ADGRB2: variants seen among roughly 807,000 people sequenced by gnomAD.
ADGRB2 encodes the protein adhesion G protein-coupled receptor B2, also known as brain-specific angiogenesis inhibitor 2.
In ADGRB2, 47 loss-of-function variants were observed where a neutral mutation model predicts 178.7. The ratio of observed to expected loss-of-function variants is 0.26; its 90% CI spans 0.21 to 0.34. The LOEUF (loss-of-function observed/expected upper bound fraction) is 0.34, where lower values mean the gene tolerates loss of function less well. ADGRB2 is among the 10% of genes least tolerant of loss of function. The pLI, the probability that ADGRB2 is intolerant of heterozygous loss-of-function variation, is 1.00. For missense variants in ADGRB2, 1,584 were observed against 2,180.8 expected, an observed-to-expected ratio of 0.73 and a Z score of 5.45; for synonymous variants, 870 against 912.4, an observed-to-expected ratio of 0.95 and a Z score of 0.84.
chr1:31,729,930 T>C (rs1270451981), intron 29 of ADGRB2, among the ~76,000 whole-genome samples: 1 of 152,252 alleles, frequency 6.6e-6, no homozygotes, highest in Admixed American at 6.5e-5. Context: ...GGAGAAAAAC[T>C]AAACTTGTGA....
In ADGRB2 at chr1:31,731,128, T is replaced by A. The variant is rs770857327; in HGVS notation, c.4052A>T (p.Tyr1351Phe). 6.3e-7 allele frequency: 1 copy of A among 1,589,630 alleles called. No individual in the cohort carries two copies. The highest frequency in any genetic ancestry group is 8.6e-7 in the Non-Finnish European group (1 of 1,168,722). The change falls in exon 29 of 33, where the codon TAC (tyrosine) becomes TTC (phenylalanine). Residue 1351 changes from tyrosine to phenylalanine, a missense_variant. By Grantham distance (22) the Tyr-to-Phe change is conservative (BLOSUM62 3). Coordinates refer to ENST00000373658, the MANE Select transcript of ADGRB2 (RefSeq NM_001364857.2). The part of the protein sequence containing the change: ...RPTEPGSEGD[Y>F]MVLPRRTLSL... ...CAAAGTCCGCCGGGGCAGCACCATG[T>A]AGTCTCCCTCAGAGCCTGGCTCAGT...
chr1:31,749,169 C>G (rs1646431912), intron 4 of ADGRB2, among the ~76,000 whole-genome samples: 1 of 152,222 alleles, frequency 6.6e-6, no homozygotes, highest in Admixed American at 6.5e-5. Context: ...CACACCTGCT[C>G]CCCTTTCCCC....
Position 31,739,518 on chromosome 1 carries a change from G to C in ADGRB2, c.2285C>G (p.Pro762Arg), listed in dbSNP as rs199588461. The C allele has an allele frequency of 3.7e-6, 6 of 1,613,118 alleles. No homozygotes were observed. The highest frequency in any genetic ancestry group is 2.2e-5 in the East Asian group (1 of 44,876). Residue 762 changes from proline to arginine, a missense_variant, in exon 15 of 33, where the codon CCC (proline) becomes CGC (arginine). This residue lies in a region of ADGRB2 where 865 missense variants were observed against 1,192.8 expected (regional missense o/e 0.73). Transcript: ENST00000373658. ...VRHSEDRLFL[P>R]KEVLSLSSPG... is the part of the protein sequence containing the mutation. ...GGAGGAGAGGCTGAGCACCTCCTTG[G>C]GCAGGAAGAGGCGGTCCTCTGAGTG...
Position 31,733,019 on chromosome 1 carries a change from C to A in ADGRB2, c.3577G>T (p.Ala1193Ser). 6.4e-7 allele frequency: 1 copy of A among 1,570,168 alleles called. No individual in the cohort carries two copies. Among genetic ancestry groups the A allele is most frequent in the Non-Finnish European group, 8.6e-7 (1 of 1,157,894 alleles). Residue 1193 changes from alanine (A) to serine (S), a missense_variant, in exon 26 of 33, where the codon GCG (alanine) becomes TCG (serine). Physicochemically the swap from Ala to Ser is moderately conservative, Grantham distance 99. This residue lies in a region of ADGRB2 where 865 missense variants were observed against 1,192.8 expected (regional missense o/e 0.73). Coordinates refer to ENST00000373658, the MANE Select transcript of ADGRB2 (RefSeq NM_001364857.2). The surrounding 1 kb of genome is among the most constrained non-coding windows in gnomAD (Gnocchi z 4.3). ...FQALFAVFNS[A>S]QGFVITAVHC... is the part of the protein sequence containing the mutation. ...ACAGCAGTGATGACAAAGCCCTGCGCGGAGTTGAAGACAGCAAAGAGGGCC... is the reference window on the plus strand; with the variant it reads ...ACAGCAGTGATGACAAAGCCCTGCGAGGAGTTGAAGACAGCAAAGAGGGCC...
At chr1:31,750,247 G>A (rs1646498228) in intron 4 of ADGRB2, among the ~76,000 whole-genome samples, 1 of 152,120 alleles carries the variant, frequency 6.6e-6, no homozygotes, top group African/African-American at 2.4e-5. Flanking sequence ...TGAGGATCTT[G>A]GGCTCATCCC....
Position 31,764,206 on chromosome 1 carries a change from G to C in ADGRB2, c.-513C>G, listed in dbSNP as rs941352640. 1 of 281,688 alleles carries C rather than the reference G, an allele frequency of 3.6e-6. No individual in the cohort carries two copies. Among genetic ancestry groups the C allele is most frequent in the Non-Finnish European group, 5.3e-6 (1 of 190,206 alleles). The allele number at this position is 281,688 out of a possible 1,614,324, so 17.4% of individuals were successfully genotyped here. A position where few individuals can be genotyped will look rare whatever the true frequency, so the allele number is the denominator to read the frequency against. ...GCGCCGCGCGCCGCCTCCTATTTGCGGGCGGCGGCCGCAGCCCCGGGCTCT... is the reference window on the plus strand; with the variant it reads ...GCGCCGCGCGCCGCCTCCTATTTGCCGGCGGCGGCCGCAGCCCCGGGCTCT... On this transcript the variant is annotated 5_prime_UTR_variant, in exon 1 of 33. Coordinates refer to ENST00000373658, the MANE Select transcript of ADGRB2 (RefSeq NM_001364857.2). This position sits in a 1 kb window ranked among gnomAD's most constrained non-coding sequence, Gnocchi z 7.3.
intron 4 of ADGRB2, among the ~76,000 whole-genome samples, chr1:31,747,515 C>T (rs1646339222): frequency 6.6e-6 from 1 of 152,134 alleles, no homozygotes; most frequent in Non-Finnish European, 1.5e-5. Context: ...CAAAACCCAC[C>T]TCAAATGACC....
Position 31,740,033 on chromosome 1 carries a change from A to G in ADGRB2, c.2060T>C (p.Val687Ala), listed in dbSNP as rs1253920137. 1 of 1,614,064 alleles carries G rather than the reference A, an allele frequency of 6.2e-7. No homozygotes were observed. Among genetic ancestry groups the G allele is most frequent in the Non-Finnish European group, 8.5e-7 (1 of 1,180,016 alleles). Reference protein sequence around the residue: ...NKEKWDDAQQVSPGSVHLLRV... With the variant: ...NKEKWDDAQQASPGSVHLLRV... ...GAGCAGGTGCACAGAGCCAGGGGAC[A>G]CCTGGGGACAGAAAGTGTGTAAGGG... Residue 687 changes from valine to alanine, a missense_variant and splice_region_variant, in exon 14 of 33, where the codon GTG (valine) becomes GCG (alanine). Val to Ala is a moderately conservative substitution (Grantham distance 64, BLOSUM62 0). Around this residue, in one of 3 missense-constraint regions of ADGRB2, gnomAD observed 62 missense variants for 140.3 expected, o/e 0.44. Coordinates refer to ENST00000373658, the MANE Select transcript of ADGRB2 (RefSeq NM_001364857.2). The surrounding 1 kb of genome is among the most constrained non-coding windows in gnomAD (Gnocchi z 5.9).
At position 31,737,475 on chromosome 1, in the gene ADGRB2, G is replaced by A; in HGVS notation, c.2933C>T (p.Ala978Val). ...GCCCACGAGGATCAGGATGTTGGAT[G>A]CCAAGATGGACAGGCAGAAGTTCAG... ...ILLNFCLSIL[A>V]SNILILVGQS... The change falls in exon 20 of 33, where the codon GCA becomes GTA. Residue 978 changes from alanine to valine, a missense_variant. This residue lies in a region of ADGRB2 where 865 missense variants were observed against 1,192.8 expected (regional missense o/e 0.73). Coordinates refer to ENST00000373658, the MANE Select transcript of ADGRB2 (RefSeq NM_001364857.2). The A allele has an allele frequency of 6.2e-7, 1 of 1,614,198 alleles. No homozygotes were observed. Among genetic ancestry groups the A allele is most frequent in the Non-Finnish European group, 8.5e-7 (1 of 1,180,034 alleles).
intron 4 of ADGRB2, among the ~76,000 whole-genome samples, chr1:31,746,826 G>A (rs1425423177): frequency 6.6e-6 from 1 of 152,040 alleles, no homozygotes; most frequent in Non-Finnish European, 1.5e-5. Flanking sequence ...CCTTCTCATC[G>A]GCACCCTGTC....
chr1:31,736,793 C>T (rs904524030), intron 20 of ADGRB2, 70 bp from the exon 21 acceptor site: 13 of 1,542,804 alleles, frequency 8.4e-6, no homozygotes, highest in South Asian at 2.4e-5. Context: ...GGGCTTCCCA[C>T]GCCCGCTGCT....
Position 31,738,824 on chromosome 1 carries a change from C to G in ADGRB2, c.2601+8G>C, listed in dbSNP as rs749066482. 3 of 1,613,902 alleles carry G rather than the reference C, an allele frequency of 1.9e-6. No homozygotes were observed. Among genetic ancestry groups the G allele is most frequent in the South Asian group, 2.2e-5 (2 of 91,082 alleles). On this transcript the variant is annotated splice_region_variant and intron_variant, in intron 16 of 32. Transcript: ENST00000373658. Reference sequence around the variant, plus strand: ...GCACCCAAGGTCTCTGCATGGATCTCCACTCACATTGATGATGTAGGAGAG... The same window carrying G: ...GCACCCAAGGTCTCTGCATGGATCTGCACTCACATTGATGATGTAGGAGAG...
Position 31,743,021 on chromosome 1 carries a change from C to T in ADGRB2, c.1088-19G>A. ...CCGTGCACTGCAAGGAAGCACGTGG[C>T]CGGTGGCTGGGCGGCACCATGGCCC... On this transcript the variant is annotated intron_variant, in intron 6 of 32. Coordinates refer to ENST00000373658, the MANE Select transcript of ADGRB2 (RefSeq NM_001364857.2). 7.1e-7 allele frequency: 1 copy of T among 1,408,444 alleles called. No homozygotes were observed. The highest frequency in any genetic ancestry group is 1.5e-5 in the South Asian group (1 of 66,062). 87.2% of individuals were successfully genotyped at this position (1,408,444 alleles called of 1,614,324 possible).
In ADGRB2 at chr1:31,759,658, C is replaced by A. The variant is rs78659062; in HGVS notation, c.-190-2147G>T. ...GGCTATGACATAAGACCTTTTGGGG[C>A]GCCTTTTTATATTACTTCCCACCAT... On this transcript the variant is annotated intron_variant, in intron 1 of 32. Coordinates refer to ENST00000373658, the MANE Select transcript of ADGRB2 (RefSeq NM_001364857.2). The surrounding 1 kb of genome is among the most constrained non-coding windows in gnomAD (Gnocchi z 4.3). 6.6e-6 allele frequency among the ~76,000 whole-genome samples: 1 copy of A among 152,144 alleles called. No homozygotes were observed. The highest frequency in any genetic ancestry group is 1.5e-5 in the Non-Finnish European group (1 of 68,022).
chr1:31,742,346 T>A, intron 7 of ADGRB2, 129 bp from the exon 8 acceptor site: 1 of 1,294,888 alleles, frequency 7.7e-7, no homozygotes, highest in Non-Finnish European at 1.0e-6. Flanking sequence ...CCCACTGGAG[T>A]GGGGAGGGGA....
At position 31,756,566 on chromosome 1, in the gene ADGRB2, C is replaced by T. The variant is rs199894607; in HGVS notation, c.271G>A (p.Ala91Thr). ...GGCAGCAGGCGGGGGGCAAAGTGTGCGCACACCTGCTCCTGGCGGTTGAAG... is the reference window on the plus strand; with the variant it reads ...GGCAGCAGGCGGGGGGCAAAGTGTGTGCACACCTGCTCCTGGCGGTTGAAG... ...LRFNRQEQVC[A>T]HFAPRLLPLD... The change falls in exon 4 of 33, where the codon GCA becomes ACA. Residue 91 changes from alanine (A) to threonine (T), a missense_variant. Coordinates refer to ENST00000373658, the MANE Select transcript of ADGRB2 (RefSeq NM_001364857.2). The surrounding 1 kb of genome is among the most constrained non-coding windows in gnomAD (Gnocchi z 8.5). 166 of 1,612,088 alleles carry T rather than the reference C, an allele frequency of 1.0e-4. No individual in the cohort carries two copies. Among genetic ancestry groups the T allele is most frequent in the Non-Finnish European group, 1.3e-4 (149 of 1,178,950 alleles).
intron 4 of ADGRB2, among the ~76,000 whole-genome samples, chr1:31,750,972 G>A (rs1483802429): frequency 6.6e-6 from 1 of 151,936 alleles, no homozygotes; most frequent in Non-Finnish European, 1.5e-5. Context: ...CCCCCATGTG[G>A]CCAGAAGCTC....
In ADGRB2 at chr1:31,740,410, A is replaced by G. The variant is rs906531858; in HGVS notation, c.1926T>C (p.Ile642=). The G allele has an allele frequency of 2.5e-6, 4 of 1,614,054 alleles. No individual in the cohort carries two copies. Among genetic ancestry groups the G allele is most frequent in the Non-Finnish European group, 3.4e-6 (4 of 1,179,984 alleles). Residue 642 remains isoleucine (I), a synonymous_variant, in exon 12 of 33, where the codon ATT becomes ATC. Transcript: ENST00000373658. This position sits in a 1 kb window ranked among gnomAD's most constrained non-coding sequence, Gnocchi z 5.9. The part of the protein sequence containing the change: ...YSGDLLFSVD[I]LRNVTDTFKR... ...TAAAGGTGTCAGTGACATTCCTCAG[A>G]ATGTCCACAGAGAAGAGCAGGTCCC...
rs142991391 is a variant in ADGRB2 at position 31,728,258 on chromosome 1, C to T, written c.4439G>A (p.Arg1480Gln). The change falls in exon 31 of 33, where the codon CGG becomes CAG. Residue 1480 changes from arginine (R) to glutamine (Q), a missense_variant. Arg to Gln is a conservative substitution (Grantham distance 43, BLOSUM62 1). Coordinates refer to ENST00000373658, the MANE Select transcript of ADGRB2 (RefSeq NM_001364857.2). This position sits in a 1 kb window ranked among gnomAD's most constrained non-coding sequence, Gnocchi z 6.7. ...GAGCTCGTGGTAGAGTTCTGAATGC[C>T]GTTTCCGGGTGTGCATCACCTTCTA... Reference protein sequence around the residue: ...DFEKVMHTRKRHSELYHELNQ... With the variant: ...DFEKVMHTRKQHSELYHELNQ... 40 of 1,613,920 alleles carry T rather than the reference C, an allele frequency of 2.5e-5. No homozygotes were observed. The highest frequency in any genetic ancestry group is 3.0e-5 in the Non-Finnish European group (35 of 1,180,014).
Sources: allele counts gnomAD v4.1 joint callset (sites outside exome capture counted in the v4.1 genomes callset), GRCh38; gene constraint gnomAD v4.1.1; regional missense constraint gnomAD v4.1.1; non-coding constraint Gnocchi (gnomAD v3.1); transcripts MANE v1.5; gene names NCBI Gene and HGNC (gene_info 2026-07-23, HGNC 2026-07-21).